The following GNL3L variants were observed in gnomAD, a reference collection of about 807,000 sequenced individuals.
The protein encoded by GNL3L is guanine nucleotide-binding protein-like 3-like protein.
GNL3L carries 4 observed loss-of-function variants against 42.9 expected under a neutral mutation model. The observed-to-expected ratio is 0.09, with a 90% confidence interval of 0.05 to 0.21. GNL3L has a LOEUF of 0.21. Among genes scored for constraint, GNL3L ranks in the 10% least tolerant of loss-of-function variants. The pLI is 1.00. For missense variants in GNL3L, 412 were observed against 481.7 expected, an observed-to-expected ratio of 0.86 and a Z score of 1.36; for synonymous variants, 159 against 176.3, an observed-to-expected ratio of 0.90 and a Z score of 0.78.
the GNL3L span, among the ~76,000 whole-genome samples, chrX:54,635,365 A>C: frequency 9.0e-6 from 1 of 111,519 alleles, no homozygotes; most frequent in African/African-American, 3.3e-5. Context: ...TATTTAAGTC[A>C]ATTGTTTTAA....
At chrX:54,550,565 G>A (rs1924908433) in intron 9 of GNL3L, among the ~76,000 whole-genome samples, 1 of 110,926 alleles carries the variant, frequency 9.0e-6, no homozygotes, top group Non-Finnish European at 1.9e-5. Flanking sequence ...CAGAGAGACT[G>A]GCATCTGGAG....
intron 16 of GNL3L, among the ~76,000 whole-genome samples, chrX:54,582,707 C>T (rs1310540989): frequency 9.0e-6 from 1 of 111,475 alleles, no homozygotes; most frequent in African/African-American, 3.3e-5. Context: ...CTCAGCTTCC[C>T]GAGTAGCTGG....
chrX:54,545,968 C>T (rs1027535119), intron 8 of GNL3L, among the ~76,000 whole-genome samples: 2 of 112,490 alleles, frequency 1.8e-5, no homozygotes, highest in African/African-American at 3.2e-5. Context: ...CCTGCCTCAG[C>T]CTCCTGAGTA....
chrX:54,559,447 G>A (rs1488249646), intron 15 of GNL3L, among the ~76,000 whole-genome samples: 2 of 111,810 alleles, frequency 1.8e-5, no homozygotes, highest in Non-Finnish European at 3.8e-5. Flanking sequence ...TCTTTTCTGA[G>A]ACACAAGCAA....
At chrX:54,532,650 C>A in intron 2 of GNL3L, 65 bp downstream of exon 2, 2 of 935,305 alleles carry the variant, frequency 2.1e-6, no homozygotes, top group Non-Finnish European at 3.1e-6. Flanking sequence ...AATTTCACAG[C>A]AACTTTTTGT....
intron 16 of GNL3L, among the ~76,000 whole-genome samples, chrX:54,585,574 T>C (rs1308676853): frequency 8.9e-6 from 1 of 112,159 alleles, no homozygotes; most frequent in African/African-American, 3.2e-5. Context: ...TACAATCTTT[T>C]ATATTTATGC....
downstream of GNL3L, among the ~76,000 whole-genome samples, chrX:54,622,268 C>G (rs1926296128): frequency 4.1e-5 from 4 of 97,533 alleles, no homozygotes; most frequent in South Asian, 1.8e-3. Context: ...TGTTGAGTTG[C>G]AGGAATTTTT....
downstream of GNL3L, among the ~76,000 whole-genome samples, chrX:54,567,967 T>TA (rs1925482446): frequency 2.9e-5 from 3 of 102,069 alleles, no homozygotes; most frequent in South Asian, 1.3e-3. Flanking sequence ...GATGTATTAT[T>TA]CTTTTTTTTT....
intron 16 of GNL3L, among the ~76,000 whole-genome samples, chrX:54,613,828 G>A (rs769265452): frequency 1.8e-5 from 2 of 110,703 alleles, no homozygotes; most frequent in African/African-American, 6.6e-5. Flanking sequence ...GGGGCAGGGT[G>A]GGGGGTGTGC....
chrX:54,589,193 C>A (rs781706089), intron 16 of GNL3L, among the ~76,000 whole-genome samples: 1 of 111,021 alleles, frequency 9.0e-6, no homozygotes, highest in Non-Finnish European at 1.9e-5. Context: ...TTAAAATGTA[C>A]AATTAAGTTA....
chrX:54,595,097 C>T (rs193034364), intron 16 of GNL3L, among the ~76,000 whole-genome samples: 149 of 112,052 alleles, frequency 1.3e-3, no homozygotes, highest in Non-Finnish European at 1.5e-3. Flanking sequence ...TTTCTGTGTA[C>T]TTACTATTAG....
At chrX:54,645,202 C>T in the GNL3L span, among the ~76,000 whole-genome samples, 11 of 111,712 alleles carry the variant, frequency 9.8e-5, no homozygotes, top group African/African-American at 3.6e-4. Context: ...GTTTGTGCCT[C>T]ATTTAATTAT....
At chrX:54,591,955 A>G (rs1242263207) in intron 16 of GNL3L, among the ~76,000 whole-genome samples, 1 of 111,933 alleles carries the variant, frequency 8.9e-6, no homozygotes, top group Non-Finnish European at 1.9e-5. Flanking sequence ...TGAACATGGA[A>G]TATTTTTCAA....
At chrX:54,596,136 T>C (rs1925928186) in intron 16 of GNL3L, among the ~76,000 whole-genome samples, 1 of 112,087 alleles carries the variant, frequency 8.9e-6, no homozygotes, top group Non-Finnish European at 1.9e-5. Flanking sequence ...TATATGTTCA[T>C]CTGTGTCTGG....
At chrX:54,620,284 C>T (rs1174875982) in intron 16 of GNL3L, among the ~76,000 whole-genome samples, 1 of 111,190 alleles carries the variant, frequency 9.0e-6, no homozygotes, top group Non-Finnish European at 1.9e-5. Flanking sequence ...CACCCCCGCA[C>T]CCCCATTACC....
the GNL3L span, among the ~76,000 whole-genome samples, chrX:54,632,099 T>C: frequency 8.9e-6 from 1 of 112,230 alleles, no homozygotes; most frequent in Non-Finnish European, 1.9e-5. Flanking sequence ...AAATAGGACC[T>C]CAATCCCTTC....
chrX:54,550,600 A>G (rs1175868763), intron 9 of GNL3L, among the ~76,000 whole-genome samples: 3 of 111,480 alleles, frequency 2.7e-5, no homozygotes, highest in African/African-American at 9.8e-5. Flanking sequence ...CATCCATGGA[A>G]TGATACACCC....
intron 8 of GNL3L, among the ~76,000 whole-genome samples, chrX:54,546,663 TGAGATG>T (rs1353213841): frequency 8.9e-6 from 1 of 112,212 alleles, no homozygotes; most frequent in African/African-American, 3.2e-5. Flanking sequence ...AAATTTTTGT[TGAGATG>T]GAGTTTCACT....
intron 14 of GNL3L, among the ~76,000 whole-genome samples, chrX:54,555,648 T>C (rs1925073681): frequency 1.1e-5 from 1 of 89,633 alleles, no homozygotes; most frequent in Non-Finnish European, 2.2e-5. Flanking sequence ...TTTTTTTTTT[T>C]TTTTTTTTTT....
Sources: gnomAD v4.1 joint callset for allele counts (sites outside exome capture counted in the v4.1 genomes callset) on GRCh38, gnomAD v4.1.1 for gene constraint, MANE v1.5 for transcripts, NCBI Gene and HGNC (gene_info 2026-07-23, HGNC 2026-07-21) for gene names.